CUL5: variants seen among roughly 807,000 people sequenced by gnomAD.
The protein encoded by CUL5 is cullin 5.
Under a neutral mutation model 108.8 loss-of-function variants are expected in CUL5, and 26 were observed. The ratio of observed to expected loss-of-function variants is 0.24; its 90% CI spans 0.18 to 0.33. The LOEUF is 0.33. CUL5 is among the 10% of genes least tolerant of loss of function. The pLI is 1.00. For missense variants in CUL5, 524 were observed against 909.2 expected, an observed-to-expected ratio of 0.58 and a Z score of 5.45; for synonymous variants, 334 against 298.0, an observed-to-expected ratio of 1.12 and a Z score of -1.25.
intron 11 of CUL5, among the ~76,000 whole-genome samples, chr11:108,087,821 C>T (rs1468358084): frequency 6.6e-6 from 1 of 151,948 alleles, no homozygotes; most frequent in African/African-American, 2.4e-5. Context: ...AAAAATTAGC[C>T]GGGCATGGTG....
chr11:108,071,762 G>C (rs1168079052), intron 8 of CUL5, among the ~76,000 whole-genome samples: 1 of 151,268 alleles, frequency 6.6e-6, no homozygotes, highest in Non-Finnish European at 1.5e-5. Flanking sequence ...ATGTTGCCCT[G>C]ACTGGTCTTT....
At position 108,104,274 on chromosome 11, in the gene CUL5, A is replaced by T; in HGVS notation, c.2233A>T (p.Met745Leu). 6.2e-7 allele frequency: 1 copy of T among 1,610,970 alleles called. No individual in the cohort carries two copies. Among genetic ancestry groups the T allele is most frequent in the Non-Finnish European group, 8.5e-7 (1 of 1,179,042 alleles). ...QTELVEILKN[M>L]FLPQKKMIKE... is the part of the protein sequence containing the mutation. ...TGAATTAGTAGAAATTTTGAAAAACATGTTCTTGCCACAAAAGAAAATGAT... is the reference window on the plus strand; with the variant it reads ...TGAATTAGTAGAAATTTTGAAAAACTTGTTCTTGCCACAAAAGAAAATGAT... Residue 745 changes from methionine (M) to leucine (L), a missense_variant, in exon 19 of 19, where the codon ATG (methionine) becomes TTG (leucine). Met to Leu is a conservative substitution (Grantham distance 15, BLOSUM62 2). Around this residue, in one of 8 missense-constraint regions of CUL5, gnomAD observed 22 missense variants for 70.5 expected, o/e 0.31. Transcript: ENST00000393094.
chr11:108,079,473 T>C lies in CUL5; in HGVS notation c.1178+1233T>C, dbSNP rs148378345. Among the ~76,000 whole-genome samples the C allele has an allele frequency of 3.7e-3, 566 of 152,338 alleles. 2 individuals carry two copies. The highest frequency in any genetic ancestry group is 0.013 in the African/African-American group (538 of 41,570). On this transcript the variant is annotated intron_variant, in intron 11 of 18. Transcript: ENST00000393094. ...GTTACTATGGTTGCTTTATCAAATA[T>C]GTTATCTCCTTATATACATTCGTCA...
intron 1 of CUL5, among the ~76,000 whole-genome samples, chr11:108,028,427 A>T (rs955129805): frequency 6.6e-6 from 1 of 152,146 alleles, no homozygotes; most frequent in African/African-American, 2.4e-5. Flanking sequence ...CTCCATTGCT[A>T]TCACCTCAGT....
At chr11:108,017,848 A>G (rs1252007504) in intron 1 of CUL5, among the ~76,000 whole-genome samples, 1 of 148,592 alleles carries the variant, frequency 6.7e-6, no homozygotes, top group African/African-American at 2.5e-5. Context: ...CCCTGTCTCA[A>G]AAAAAAAAAG....
intron 2 of CUL5, among the ~76,000 whole-genome samples, chr11:108,042,200 CCTT>C (rs1399782864): frequency 1.4e-5 from 2 of 147,994 alleles, no homozygotes; most frequent in Non-Finnish European, 3.0e-5. Context: ...ACTGCAGTTA[CCTT>C]AGTCATCCAC....
chr11:108,038,729 A>C (rs1163677530), intron 2 of CUL5, among the ~76,000 whole-genome samples: 1 of 151,910 alleles, frequency 6.6e-6, no homozygotes, highest in African/African-American at 2.4e-5. Context: ...AAAGCAGTTC[A>C]GTGTATCGTC....
At chr11:108,062,793 C>T (rs1257115012) in intron 7 of CUL5, among the ~76,000 whole-genome samples, 1 of 151,946 alleles carries the variant, frequency 6.6e-6, no homozygotes, top group Non-Finnish European at 1.5e-5. Context: ...ACTGTAGTCA[C>T]CCTGTTATGT....
At chr11:108,014,896 A>T (rs762532942) in intron 1 of CUL5, among the ~76,000 whole-genome samples, 17 of 152,052 alleles carry the variant, frequency 1.1e-4, no homozygotes, top group Admixed American at 3.9e-4. Flanking sequence ...TATTATTATT[A>T]TTATTTTTAT....
intron 2 of CUL5, among the ~76,000 whole-genome samples, chr11:108,037,838 T>C (rs1321712124): frequency 6.6e-6 from 1 of 152,212 alleles, no homozygotes; most frequent in Non-Finnish European, 1.5e-5. Flanking sequence ...ATGGGAATCC[T>C]CCCAAAAATC....
At chr11:108,096,687 C>T (rs982088600) in intron 16 of CUL5, among the ~76,000 whole-genome samples, 4 of 149,832 alleles carry the variant, frequency 2.7e-5, no homozygotes, top group African/African-American at 9.8e-5. Context: ...CTACCTCAGC[C>T]TCCCAAGTAG....
chr11:108,070,127 C>G lies in CUL5; in HGVS notation c.812C>G (p.Thr271Arg). The part of the protein sequence containing the change: ...LMECCVNALV[T>R]SFKETILAEC... ...GAATGCTGTGTAAATGCCCTGGTGA[C>G]ATCATTTAAAGAGACTATCTTAGCT... Residue 271 changes from threonine to arginine, a missense_variant, in exon 8 of 19, where the codon ACA becomes AGA. By Grantham distance (71) the Thr-to-Arg change is moderately conservative (BLOSUM62 -1). Around this residue, in one of 8 missense-constraint regions of CUL5, gnomAD observed 170 missense variants for 305.1 expected, o/e 0.56. Coordinates refer to ENST00000393094, the MANE Select transcript of CUL5 (RefSeq NM_003478.6). 6.2e-7 allele frequency: 1 copy of G among 1,611,324 alleles called. No homozygotes were observed. Among genetic ancestry groups the G allele is most frequent in the Non-Finnish European group, 8.5e-7 (1 of 1,178,278 alleles).
At chr11:108,029,219 G>T (rs1173570934) in intron 1 of CUL5, among the ~76,000 whole-genome samples, 1 of 151,794 alleles carries the variant, frequency 6.6e-6, no homozygotes, top group African/African-American at 2.4e-5. Context: ...CCTTTTTCCA[G>T]GTATTCCCCC....
intron 11 of CUL5, among the ~76,000 whole-genome samples, chr11:108,088,038 T>A (rs182211741): frequency 1.5e-4 from 23 of 152,054 alleles, no homozygotes; most frequent in Admixed American, 2.6e-4. Context: ...TAGGAAGAAT[T>A]CATTTATAGT....
intron 13 of CUL5, among the ~76,000 whole-genome samples, chr11:108,090,073 A>T (rs1172175899): frequency 6.6e-6 from 1 of 152,142 alleles, no homozygotes; most frequent in African/African-American, 2.4e-5. Context: ...ATTATATAAA[A>T]TAAAGTGATA....
chr11:108,044,590 CTTT>C (rs1178184752), intron 2 of CUL5, among the ~76,000 whole-genome samples: 2 of 151,634 alleles, frequency 1.3e-5, no homozygotes, highest in East Asian at 3.9e-4. Flanking sequence ...ATTTCTTTGA[CTTT>C]TTTTAATACT....
At chr11:108,101,414 T>C (rs764678117) in intron 18 of CUL5, among the ~76,000 whole-genome samples, 2 of 152,258 alleles carry the variant, frequency 1.3e-5, no homozygotes, top group African/African-American at 4.8e-5. Context: ...CAGATGAATT[T>C]ATGGTTCATT....
Position 108,070,186 on chromosome 11 carries a change from G to A in CUL5, c.871G>A (p.Glu291Lys). Residue 291 changes from glutamate to lysine, a missense_variant, in exon 8 of 19, where the codon GAA becomes AAA. By Grantham distance (56) the Glu-to-Lys change is moderately conservative. Coordinates refer to ENST00000393094, the MANE Select transcript of CUL5 (RefSeq NM_003478.6). ...CQGMIKRNET[E>K]KLHLMFSLMD... ...AGGCATGATCAAGAGAAATGAAACT[G>A]AAAGTAGGTAAAACATCACATAAAG... 6.2e-7 allele frequency: 1 copy of A among 1,603,354 alleles called. No homozygotes were observed. The highest frequency in any genetic ancestry group is 1.7e-4 in the Middle Eastern group (1 of 6,030).
intron 1 of CUL5, among the ~76,000 whole-genome samples, chr11:108,024,195 C>T (rs772559024): frequency 1.3e-5 from 2 of 152,162 alleles, no homozygotes; most frequent in Non-Finnish European, 2.9e-5. Flanking sequence ...CCTGCCCTGC[C>T]ACTTACTGCC....
Sources: gnomAD v4.1 joint callset for allele counts (sites outside exome capture counted in the v4.1 genomes callset) on GRCh38, gnomAD v4.1.1 for gene constraint, gnomAD v4.1.1 regional missense constraint, MANE v1.5 for transcripts, NCBI Gene and HGNC (gene_info 2026-07-23, HGNC 2026-07-21) for gene names.